Variants in PDE10A observed in about 807,000 individuals in gnomAD.
The protein encoded by PDE10A is cAMP and cAMP-inhibited cGMP 3',5'-cyclic phosphodiesterase 10A.
Under a neutral mutation model 97.7 loss-of-function variants are expected in PDE10A, and 39 were observed. The ratio of observed to expected loss-of-function variants is 0.40; its 90% CI spans 0.31 to 0.52. The LOEUF is 0.52. Among genes scored for constraint, PDE10A ranks in the 20% least tolerant of loss-of-function variants. PDE10A has a pLI of 0.56. For synonymous variants in PDE10A, 371 were observed against 376.8 expected (o/e 0.98, Z 0.18); for missense variants, 731 against 1,047.8 (o/e 0.70, Z 4.17).
At chr6:165,762,374 T>C (rs1171893537) in intron 1 of PDE10A, among the ~76,000 whole-genome samples, 1 of 152,192 alleles carries the variant, frequency 6.6e-6, no homozygotes, top group African/African-American at 2.4e-5. Flanking sequence ...CAGCAGTACC[T>C]AGACCAAACC....
rs1240048308 is a variant in PDE10A at position 165,942,686 on chromosome 6, T to C, written c.-615+44843A>G. 2.6e-5 allele frequency among the ~76,000 whole-genome samples: 4 copies of C among 152,190 alleles called. No individual in the cohort carries two copies. The East Asian group carries it at 7.7e-4, about 29-fold the overall frequency. On this transcript the variant is annotated intron_variant, in intron 1 of 19. Transcript: ENST00000366882. ...GACCTCTTCTTGGGAAAAGTACTGC[T>C]AATTCTGATCATTTATTAGGCACTA... is the stretch of plus-strand genomic sequence containing the variant.
chr6:165,415,221 T>G (rs946845053), intron 12 of PDE10A, among the ~76,000 whole-genome samples: 14 of 152,162 alleles, frequency 9.2e-5, no homozygotes, highest in Non-Finnish European at 1.9e-4. Context: ...AGTTTGGACT[T>G]TTGGAAAAAA....
chr6:165,624,658 A>G (rs780817305), intron 1 of PDE10A, among the ~76,000 whole-genome samples: 1 of 152,164 alleles, frequency 6.6e-6, no homozygotes, highest in African/African-American at 2.4e-5. Context: ...TCATTCACCC[A>G]TCGGAAAAAC....
intron 2 of PDE10A, among the ~76,000 whole-genome samples, chr6:165,493,422 T>C (rs1462765484): frequency 9.2e-5 from 14 of 152,094 alleles, no homozygotes; most frequent in East Asian, 5.8e-4. Context: ...CATCACATTA[T>C]CCAACTTCAA....
intron 1 of PDE10A, among the ~76,000 whole-genome samples, chr6:165,887,445 T>A (rs919217863): frequency 1.3e-5 from 2 of 152,222 alleles, no homozygotes; most frequent in Non-Finnish European, 2.9e-5. Context: ...TAATGTAGAA[T>A]GCACAGATTG....
At chr6:165,648,613 A>G (rs1181856324) in intron 1 of PDE10A, among the ~76,000 whole-genome samples, 2 of 152,158 alleles carry the variant, frequency 1.3e-5, no homozygotes, top group Non-Finnish European at 2.9e-5. Context: ...AAGTCACAAC[A>G]ATTTTGAATC....
intron 3 of PDE10A, among the ~76,000 whole-genome samples, chr6:165,460,533 T>C (rs1778258132): frequency 6.6e-6 from 1 of 152,058 alleles, no homozygotes; most frequent in Non-Finnish European, 1.5e-5. Context: ...GGAAAGAAAT[T>C]TAAAGGTTTG....
At chr6:165,869,642 A>G (rs1329988329) in intron 1 of PDE10A, among the ~76,000 whole-genome samples, 1 of 152,184 alleles carries the variant, frequency 6.6e-6, no homozygotes, top group Non-Finnish European at 1.5e-5. Context: ...TAGCCAAAGC[A>G]ATACTGAACA....
intron 1 of PDE10A, among the ~76,000 whole-genome samples, chr6:165,901,849 C>T (rs994596290): frequency 7.8e-6 from 1 of 128,362 alleles, no homozygotes; most frequent in Non-Finnish European, 1.6e-5. Flanking sequence ...TTGTTCTTCT[C>T]ATTTATTTGT....
At chr6:165,893,487 T>A (rs934611768) in intron 1 of PDE10A, among the ~76,000 whole-genome samples, 7 of 152,250 alleles carry the variant, frequency 4.6e-5, no homozygotes, top group Admixed American at 3.3e-4. Context: ...ATAGCTATAA[T>A]GGCTAGAATG....
intron 1 of PDE10A, among the ~76,000 whole-genome samples, chr6:165,771,053 G>A (rs1777995687): frequency 6.6e-6 from 1 of 152,190 alleles, no homozygotes; most frequent in Non-Finnish European, 1.5e-5. Flanking sequence ...ACTGGATTTA[G>A]AGAATGAGGC....
chr6:165,851,762 T>C (rs1402922166), intron 1 of PDE10A, among the ~76,000 whole-genome samples: 1 of 152,104 alleles, frequency 6.6e-6, no homozygotes, highest in Non-Finnish European at 1.5e-5. Context: ...ATGTCCTGGA[T>C]GTATTCTGAA....
intron 18 of PDE10A, among the ~76,000 whole-genome samples, chr6:165,374,588 C>A (rs1001903767): frequency 6.6e-6 from 1 of 151,888 alleles, no homozygotes; most frequent in Non-Finnish European, 1.5e-5. Context: ...CAGAGACTGG[C>A]GTATTTACTG....
At chr6:165,953,411 T>C (rs553239107) in intron 1 of PDE10A, among the ~76,000 whole-genome samples, 17 of 152,120 alleles carry the variant, frequency 1.1e-4, no homozygotes, top group African/African-American at 3.9e-4. Context: ...ACCAACATGG[T>C]GAAACCCCAT....
intron 1 of PDE10A, chr6:165,949,643 A>G (rs1783889777): frequency 6.6e-6 from 1 of 152,234 alleles, no homozygotes; most frequent in Non-Finnish European, 1.5e-5. Flanking sequence ...AAAACGTAGG[A>G]GATCTCTTTA....
intron 1 of PDE10A, among the ~76,000 whole-genome samples, chr6:165,746,260 T>C (rs73788779): frequency 0.077 from 11,769 of 152,286 alleles, 523 homozygotes; most frequent in African/African-American, 0.12. Context: ...TTATAAGAAC[T>C]ACCATACTGA....
At chr6:165,868,978 GC>G (rs1448578089) in intron 1 of PDE10A, among the ~76,000 whole-genome samples, 6 of 151,854 alleles carry the variant, frequency 4.0e-5, no homozygotes, top group African/African-American at 1.4e-4. Flanking sequence ...ATATGACAAA[GC>G]CACAGCTAAC....
chr6:165,418,147 A>T lies in PDE10A; in HGVS notation c.1796+488T>A, dbSNP rs995953161. ...AGACTTCAGTTTCAAGATGCAACAC[A>T]GGTGTGCTATGTGATTGATTAAAAC... is the stretch of plus-strand genomic sequence containing the variant. On this transcript the variant is annotated intron_variant, in intron 11 of 21. Coordinates refer to ENST00000539869, the MANE Select transcript of PDE10A (RefSeq NM_001385079.1). This position sits in a 1 kb window ranked among gnomAD's most constrained non-coding sequence, Gnocchi z 4.8. Among the ~76,000 whole-genome samples the T allele has an allele frequency of 1.3e-5, 2 of 152,194 alleles. No homozygotes were observed. The highest frequency in any genetic ancestry group is 2.9e-5 in the Non-Finnish European group (2 of 68,042).
At chr6:165,658,505 G>A (rs905873050) in intron 1 of PDE10A, among the ~76,000 whole-genome samples, 19 of 152,268 alleles carry the variant, frequency 1.2e-4, no homozygotes, top group African/African-American at 3.8e-4. Flanking sequence ...AGGTGCGGGC[G>A]TATTTGTGGC....
Sources: allele counts gnomAD v4.1 joint callset (sites outside exome capture counted in the v4.1 genomes callset), GRCh38; gene constraint gnomAD v4.1.1; non-coding constraint Gnocchi (gnomAD v3.1); transcripts MANE v1.5; gene names NCBI Gene and HGNC (gene_info 2026-07-23, HGNC 2026-07-21).